IFT74: variants seen among roughly 807,000 people sequenced by gnomAD.
The protein encoded by IFT74 is intraflagellar transport 74, also known as intraflagellar transport protein 74 homolog.
A neutral mutation model predicts 96.7 loss-of-function variants in IFT74; 92 were observed. The observed-to-expected ratio is 0.95, with a 90% CI of 0.80 to 1.13. The LOEUF is 1.13. Among genes scored for constraint, IFT74 ranks in the 50% most tolerant of loss-of-function variants. The pLI is 0.00. For missense variants in IFT74, 811 were observed against 698.2 expected (o/e 1.16, Z -1.82); for synonymous variants, 223 against 213.2 (o/e 1.05, Z -0.40).
At chr9:26,992,737 T>C (rs1231502712) in intron 8 of IFT74, among the ~76,000 whole-genome samples, 4 of 152,096 alleles carry the variant, frequency 2.6e-5, no homozygotes, top group African/African-American at 9.7e-5. Context: ...AGGTTACTTT[T>C]CTATACAGCA....
intron 2 of IFT74, among the ~76,000 whole-genome samples, chr9:26,962,833 T>C (rs1301406663): frequency 6.6e-6 from 1 of 151,664 alleles, no homozygotes; most frequent in Non-Finnish European, 1.5e-5. Flanking sequence ...TAAAACACCA[T>C]AAAAAATTAG....
intron 2 of IFT74, among the ~76,000 whole-genome samples, chr9:26,965,109 A>G (rs576032350): frequency 3.3e-5 from 5 of 152,304 alleles, no homozygotes; most frequent in African/African-American, 1.2e-4. Flanking sequence ...GTCATTACAA[A>G]CTACTTTCAA....
intron 13 of IFT74, among the ~76,000 whole-genome samples, chr9:27,041,472 G>A (rs972143210): frequency 2.6e-5 from 4 of 152,054 alleles, no homozygotes; most frequent in East Asian, 1.9e-4. Context: ...TAAATTTATC[G>A]GAAATAAATA....
At chr9:26,987,381 C>T (rs956345267) in intron 6 of IFT74, among the ~76,000 whole-genome samples, 3 of 152,018 alleles carry the variant, frequency 2.0e-5, no homozygotes, top group South Asian at 2.1e-4. Flanking sequence ...TGAGCCACCG[C>T]GCCCGGCCGA....
intron 2 of IFT74, among the ~76,000 whole-genome samples, chr9:26,968,302 C>T (rs1476528726): frequency 6.6e-6 from 1 of 151,200 alleles, no homozygotes; most frequent in Non-Finnish European, 1.5e-5. Context: ...CGCTCTGTTG[C>T]CCAGGCTGGA....
At chr9:27,033,413 G>A (rs1464274359) in intron 13 of IFT74, among the ~76,000 whole-genome samples, 1 of 151,916 alleles carries the variant, frequency 6.6e-6, no homozygotes, top group Non-Finnish European at 1.5e-5. Context: ...ACAAAAATTA[G>A]CCAGGCATGG....
At chr9:26,966,677 G>A (rs1471138362) in intron 2 of IFT74, among the ~76,000 whole-genome samples, 2 of 152,012 alleles carry the variant, frequency 1.3e-5, no homozygotes, top group Non-Finnish European at 2.9e-5. Context: ...TTAACTTGAT[G>A]TGATTCTATT....
At chr9:27,010,003 T>A (rs897926534) in intron 9 of IFT74, among the ~76,000 whole-genome samples, 2 of 151,970 alleles carry the variant, frequency 1.3e-5, no homozygotes, top group Non-Finnish European at 1.5e-5. Context: ...AAAAATTTTT[T>A]TTTTGAGACG....
intron 13 of IFT74, chr9:27,036,476 C>G (rs929509275): frequency 1.2e-6 from 2 of 1,613,534 alleles, no homozygotes; most frequent in Admixed American, 1.7e-5. Flanking sequence ...ATGGAAAATA[C>G]TTGAAAAAAA....
At chr9:27,039,496 A>G (rs1819371562) in intron 13 of IFT74, among the ~76,000 whole-genome samples, 1 of 152,222 alleles carries the variant, frequency 6.6e-6, no homozygotes, top group South Asian at 2.1e-4. Context: ...CAGGAGCTTG[A>G]AATCAGCCTG....
rs1038757990 is a variant in IFT74 at position 26,993,713 on chromosome 9, A to T, written c.587+3518A>T. 3.9e-5 allele frequency: 6 copies of T among 152,266 alleles called. No homozygotes were observed. In the East Asian group the frequency reaches 1.2e-3, roughly 29 times the overall value. The allele number at this position is 152,266 out of a possible 1,614,324, so 9.4% of individuals were successfully genotyped here. ...ATACACAGAAATAGCATACTATACCATACACAACATACACAGAAGTAGCAT... is the reference window on the plus strand; with the variant it reads ...ATACACAGAAATAGCATACTATACCTTACACAACATACACAGAAGTAGCAT... On this transcript the variant is annotated intron_variant, in intron 8 of 19. Coordinates refer to ENST00000380062, the MANE Select transcript of IFT74 (RefSeq NM_025103.4).
Position 26,973,712 on chromosome 9 carries a change from T to G in IFT74, c.121-4416T>G, listed in dbSNP as rs563548236. 2.6e-5 allele frequency among the ~76,000 whole-genome samples: 4 copies of G among 152,336 alleles called. No individual in the cohort carries two copies. The East Asian group carries it at 5.8e-4, about 22-fold the overall frequency. ...TTTGTATTTTCCAAGATTTTTGCCT[T>G]AAATCCTTCTCCTTCTCCTTTTACC... On this transcript the variant is annotated intron_variant, in intron 2 of 19. Coordinates refer to ENST00000380062, the MANE Select transcript of IFT74 (RefSeq NM_025103.4).
At chr9:27,057,402 ATAG>A (rs555902251) in intron 18 of IFT74, among the ~76,000 whole-genome samples, 304 of 152,318 alleles carry the variant, frequency 2.0e-3, no homozygotes, top group African/African-American at 7.0e-3. Context: ...TGGTTGGCAC[ATAG>A]TAGGTACTCA....
intron 8 of IFT74, among the ~76,000 whole-genome samples, chr9:27,001,089 A>G (rs1411675092): frequency 6.6e-6 from 1 of 152,072 alleles, no homozygotes; most frequent in Non-Finnish European, 1.5e-5. Flanking sequence ...ATTTCACTTG[A>G]CATAATGACC....
intron 10 of IFT74, among the ~76,000 whole-genome samples, chr9:27,015,112 A>G (rs1829280239): frequency 6.6e-6 from 1 of 152,260 alleles, no homozygotes; most frequent in Non-Finnish European, 1.5e-5. Context: ...TATCAAGATG[A>G]AATTCAAACA....
chr9:26,980,434 G>C, intron 3 of IFT74, 137 bp from the exon 4 acceptor site: 1 of 705,298 alleles, frequency 1.4e-6, no homozygotes, highest in Admixed American at 2.1e-5. Flanking sequence ...TTCAGTTTCA[G>C]TGATTCTTCT....
chr9:27,014,332 A>C (rs1235168404), intron 10 of IFT74, among the ~76,000 whole-genome samples: 1 of 152,190 alleles, frequency 6.6e-6, no homozygotes, highest in East Asian at 1.9e-4. Context: ...AAGAAGGACC[A>C]CATTTAGTAT....
intron 9 of IFT74, among the ~76,000 whole-genome samples, chr9:27,009,989 T>G (rs529869753): frequency 6.6e-6 from 1 of 151,800 alleles, no homozygotes; most frequent in Admixed American, 6.6e-5. Flanking sequence ...TTTTTTAATT[T>G]AAAAAAAATT....
intron 2 of IFT74, among the ~76,000 whole-genome samples, chr9:26,963,389 T>C (rs1297757436): frequency 2.0e-5 from 3 of 151,304 alleles, no homozygotes; most frequent in Admixed American, 6.6e-5. Context: ...TCCAAGTCTT[T>C]GCTATTGTGA....
Sources: allele counts gnomAD v4.1 joint callset (sites outside exome capture counted in the v4.1 genomes callset), GRCh38; gene constraint gnomAD v4.1.1; transcripts MANE v1.5; gene names NCBI Gene and HGNC (gene_info 2026-07-23, HGNC 2026-07-21).